CDYL2: variants seen among roughly 807,000 people sequenced by gnomAD.
CDYL2 encodes chromodomain Y like 2.
A neutral mutation model predicts 49.4 loss-of-function variants in CDYL2; 23 were observed. That is an observed-to-expected ratio of 0.47 (90% CI 0.34 to 0.66). The LOEUF (loss-of-function observed/expected upper bound fraction) is 0.66. CDYL2 is among the 30% of genes least tolerant of loss of function. The pLI is 0.01. For synonymous variants in CDYL2, 360 were observed against 268.8 expected (o/e 1.34, Z -3.32); for missense variants, 678 against 656.4 (o/e 1.03, Z -0.36).
chr16:80,774,162 G>GA (rs1414858348), intron 1 of CDYL2, among the ~76,000 whole-genome samples: 7 of 152,024 alleles, frequency 4.6e-5, no homozygotes, highest in African/African-American at 1.4e-4. Context: ...AATCAGAAGT[G>GA]ACAAAAACAA....
chr16:80,803,044 A>T (rs969734114), intron 1 of CDYL2, among the ~76,000 whole-genome samples: 4 of 152,234 alleles, frequency 2.6e-5, no homozygotes, highest in Admixed American at 6.5e-5. Flanking sequence ...CCTCTGGTTG[A>T]AGATGGCTGG....
intron 2 of CDYL2, among the ~76,000 whole-genome samples, chr16:80,651,641 G>A (rs926965447): frequency 1.3e-5 from 2 of 152,222 alleles, no homozygotes; most frequent in Admixed American, 1.3e-4. Context: ...GTAGAATGCA[G>A]AATGTGACAA....
chr16:80,773,021 G>T, intron 1 of CDYL2, among the ~76,000 whole-genome samples: 1 of 152,068 alleles, frequency 6.6e-6, no homozygotes, highest in Non-Finnish European at 1.5e-5. Context: ...AAGGTTATCA[G>T]ATAGAATTTT....
chr16:80,754,926 A>G (rs1293702052), intron 1 of CDYL2, among the ~76,000 whole-genome samples: 1 of 152,136 alleles, frequency 6.6e-6, no homozygotes, highest in East Asian at 1.9e-4. Context: ...AGATGCCCCC[A>G]TGATTTACGA....
intron 3 of CDYL2, among the ~76,000 whole-genome samples, chr16:80,625,296 C>T (rs2142381489): frequency 6.6e-6 from 1 of 152,316 alleles, no homozygotes; most frequent in South Asian, 2.1e-4. Context: ...GCCCCTTCCT[C>T]CATCATCAAA....
intron 1 of CDYL2, among the ~76,000 whole-genome samples, chr16:80,718,051 G>T (rs1260880671): frequency 6.6e-6 from 1 of 152,184 alleles, no homozygotes; most frequent in East Asian, 1.9e-4. Context: ...CCCAGGAGGG[G>T]CTATTATCTC....
intron 1 of CDYL2, among the ~76,000 whole-genome samples, chr16:80,799,084 A>G (rs1475562326): frequency 1.3e-5 from 2 of 152,052 alleles, no homozygotes; most frequent in African/African-American, 4.8e-5. Context: ...ATATGTACCC[A>G]GTATCCCGAT....
chr16:80,622,342 C>T (rs925582665), intron 3 of CDYL2, among the ~76,000 whole-genome samples: 2 of 152,218 alleles, frequency 1.3e-5, no homozygotes, highest in East Asian at 1.9e-4. Flanking sequence ...AATCTCCCCA[C>T]CCCTTGTGGG....
At chr16:80,708,773 A>G (rs1904489824) in intron 1 of CDYL2, among the ~76,000 whole-genome samples, 1 of 152,184 alleles carries the variant, frequency 6.6e-6, no homozygotes, top group Non-Finnish European at 1.5e-5. Flanking sequence ...ACTTATATGT[A>G]GAAAGTACTA....
At chr16:80,749,739 T>C (rs1192398741) in intron 1 of CDYL2, among the ~76,000 whole-genome samples, 1 of 151,830 alleles carries the variant, frequency 6.6e-6, no homozygotes, top group African/African-American at 2.4e-5. Context: ...TTTAAAAAAA[T>C]TTAAAAAAAA....
chr16:80,764,243 A>G (rs1422104428), intron 1 of CDYL2, among the ~76,000 whole-genome samples: 1 of 152,246 alleles, frequency 6.6e-6, no homozygotes, highest in Non-Finnish European at 1.5e-5. Context: ...CATTCTTTAC[A>G]CAGTAGCCTC....
At chr16:80,793,985 A>G (rs1253017335) in intron 1 of CDYL2, among the ~76,000 whole-genome samples, 3 of 152,252 alleles carry the variant, frequency 2.0e-5, no homozygotes, top group African/African-American at 7.2e-5. Flanking sequence ...AGTAATTATA[A>G]CTGGTATCGG....
intron 1 of CDYL2, among the ~76,000 whole-genome samples, chr16:80,752,072 G>A (rs1414799624): frequency 1.3e-5 from 2 of 151,922 alleles, no homozygotes; most frequent in African/African-American, 2.4e-5. Context: ...TAAAATAACT[G>A]TGAAATAGAT....
intron 1 of CDYL2, among the ~76,000 whole-genome samples, chr16:80,720,067 G>A (rs980471877): frequency 4.6e-5 from 7 of 152,170 alleles, no homozygotes; most frequent in Non-Finnish European, 8.8e-5. Flanking sequence ...TAGTGGTCGA[G>A]CAAATAATAT....
intron 2 of CDYL2, among the ~76,000 whole-genome samples, chr16:80,633,438 G>T (rs976453068): frequency 6.6e-6 from 1 of 152,142 alleles, no homozygotes; most frequent in Non-Finnish European, 1.5e-5. Flanking sequence ...TTCAGAAGGG[G>T]ACCTAGAGGG....
At chr16:80,607,202 G>A (rs528277734) in intron 6 of CDYL2, among the ~76,000 whole-genome samples, 5 of 152,166 alleles carry the variant, frequency 3.3e-5, no homozygotes, top group South Asian at 2.1e-4. Flanking sequence ...CTCACCCCGC[G>A]AGCACTGTCT....
intron 2 of CDYL2, among the ~76,000 whole-genome samples, chr16:80,644,758 C>T (rs1410708072): frequency 2.0e-5 from 3 of 152,138 alleles, no homozygotes; most frequent in African/African-American, 2.4e-5. Flanking sequence ...TCTATAGTAA[C>T]CAAAACAGCA....
At chr16:80,610,508 T>C (rs1345350376) in intron 5 of CDYL2, among the ~76,000 whole-genome samples, 1 of 152,174 alleles carries the variant, frequency 6.6e-6, no homozygotes, top group African/African-American at 2.4e-5. Flanking sequence ...AAGGGTATTA[T>C]CCAGAAGCCT....
intron 1 of CDYL2, among the ~76,000 whole-genome samples, chr16:80,685,780 C>A (rs1301268920): frequency 6.6e-6 from 1 of 152,146 alleles, no homozygotes; most frequent in Non-Finnish European, 1.5e-5. Context: ...AACCAAGTTC[C>A]AGAATGGTAA....
Sources: allele counts gnomAD v4.1 joint callset (sites outside exome capture counted in the v4.1 genomes callset), GRCh38; gene constraint gnomAD v4.1.1; transcripts MANE v1.5; gene names NCBI Gene and HGNC (gene_info 2026-07-23, HGNC 2026-07-21).